Variants in MDN1 observed in about 807,000 individuals in gnomAD.
The protein encoded by MDN1 is midasin.
MDN1 carries 266 observed loss-of-function variants against 669.2 expected under a neutral mutation model. That is an observed-to-expected ratio of 0.40 (90% CI 0.36 to 0.44). MDN1 has a LOEUF of 0.44. MDN1 is among the 20% of genes least tolerant of loss of function. MDN1 has a pLI of 1.00. For synonymous variants in MDN1, 2,385 were observed against 2,457.1 expected (o/e 0.97, Z 0.87); for missense variants, 5,940 against 6,754.0 (o/e 0.88, Z 4.22).
intron 5 of MDN1, among the ~76,000 whole-genome samples, chr6:89,792,414 A>G (rs1363402377): frequency 1.3e-5 from 2 of 152,106 alleles, no homozygotes; most frequent in Non-Finnish European, 2.9e-5. Flanking sequence ...ACTGCTAAAC[A>G]ACAGCAGGTC....
At chr6:89,748,331 C>T (rs760865225) in intron 26 of MDN1, among the ~76,000 whole-genome samples, 4 of 152,160 alleles carry the variant, frequency 2.6e-5, no homozygotes, top group Non-Finnish European at 5.9e-5. Context: ...TCTCAAAAAA[C>T]AAACAAAAAG....
chr6:89,701,723 A>C (rs1248396681), intron 54 of MDN1, 45 bp from the exon 55 acceptor site: 2 of 1,586,028 alleles, frequency 1.3e-6, no homozygotes, highest in East Asian at 4.5e-5. Context: ...GAAAGGGGGA[A>C]ATGCTAGACA....
rs1023914886 is a variant in MDN1 at position 89,688,026 on chromosome 6, T to C, written c.11355+52A>G. 6 of 1,449,260 alleles carry C rather than the reference T, an allele frequency of 4.1e-6. No individual in the cohort carries two copies. The African/African-American group carries it at 5.6e-5, about 14-fold the overall frequency. 89.8% of individuals were successfully genotyped at this position (1,449,260 alleles called of 1,614,324 possible). A position where few individuals can be genotyped will look rare whatever the true frequency, so the allele number is the denominator to read the frequency against. On this transcript the variant is annotated intron_variant, in intron 67 of 101. Coordinates refer to ENST00000369393, the MANE Select transcript of MDN1 (RefSeq NM_014611.3). ...AACAACAAAGGTGCCACAAGACGTA[T>C]CTTTTGCCAACTGACCACCAACTAA...
At chr6:89,684,786 G>A (rs770263601) in intron 71 of MDN1, 90 bp downstream of exon 71, 38 of 761,526 alleles carry the variant, frequency 5.0e-5, no homozygotes, top group Non-Finnish European at 7.5e-5. Flanking sequence ...CTAGGTCCCT[G>A]CCTCAGTGTT....
At chr6:89,700,346 C>T (rs1276242353) in intron 56 of MDN1, 52 bp from the exon 57 acceptor site, 2 of 1,405,592 alleles carry the variant, frequency 1.4e-6, no homozygotes, top group East Asian at 2.3e-5. Context: ...AGAGTATAGC[C>T]TCTAGATTCT....
intron 22 of MDN1, among the ~76,000 whole-genome samples, chr6:89,752,113 T>G (rs1562180531): frequency 2.0e-5 from 3 of 152,220 alleles, no homozygotes; most frequent in Admixed American, 1.3e-4. Flanking sequence ...TTCCCATTTT[T>G]ATAAGTAAAA....
At chr6:89,754,880 T>C (rs796467673) in intron 20 of MDN1, among the ~76,000 whole-genome samples, 1 of 152,310 alleles carries the variant, frequency 6.6e-6, no homozygotes, top group African/African-American at 2.4e-5. Context: ...TCTTGCCTCT[T>C]TGCTACCTAA....
chr6:89,670,171 T>TATATATATATATA (rs1491299915), intron 83 of MDN1, among the ~76,000 whole-genome samples: 3 of 12,998 alleles, frequency 2.3e-4, no homozygotes, highest in African/African-American at 9.8e-4. Context: ...TATATATATA[T>TATATATATATATA]TTTTTTTTTT....
At position 89,652,174 on chromosome 6, in the gene MDN1, C is replaced by A; in HGVS notation, c.15915+18G>T. ...AAGTCGAGATATTTTATGAAAAAAA[C>A]AGTGAGCAGTGACTTACCTCCTCTG... On this transcript the variant is annotated intron_variant, in intron 95 of 101. Transcript: ENST00000369393. 6.3e-7 allele frequency: 1 copy of A among 1,597,934 alleles called. No individual in the cohort carries two copies. The highest frequency in any genetic ancestry group is 8.5e-7 in the Non-Finnish European group (1 of 1,172,024).
intron 36 of MDN1, among the ~76,000 whole-genome samples, chr6:89,728,588 T>C (rs1198204772): frequency 6.6e-6 from 1 of 152,296 alleles, no homozygotes; most frequent in East Asian, 1.9e-4. Flanking sequence ...CCCAACACTT[T>C]GGGAGGCCAA....
intron 17 of MDN1, among the ~76,000 whole-genome samples, chr6:89,760,763 G>A (rs1584330788): frequency 6.6e-6 from 1 of 152,196 alleles, no homozygotes; most frequent in Admixed American, 6.5e-5. Context: ...AGTATTGCAT[G>A]TTCTCACTTA....
intron 58 of MDN1, 92 bp downstream of exon 58, chr6:89,699,508 GA>G: frequency 7.1e-7 from 1 of 1,409,072 alleles, no homozygotes; most frequent in East Asian, 2.4e-5. Flanking sequence ...ATGGAATTTT[GA>G]GAATAAATAA....
At chr6:89,663,901 C>G (rs1809992128) in intron 85 of MDN1, among the ~76,000 whole-genome samples, 1 of 150,186 alleles carries the variant, frequency 6.7e-6, no homozygotes, top group South Asian at 2.1e-4. Flanking sequence ...GAGATTGCAC[C>G]ACTGTACTCT....
rs1162940354 is a variant in MDN1 at position 89,647,973 on chromosome 6, T to A, written c.16395+59A>T. ...GTCTCAAAAATAAAAATGTTCTCCC[T>A]CCAACCTACACCAGTTTAAAAATAA... On this transcript the variant is annotated intron_variant, in intron 99 of 101. Transcript: ENST00000369393. 2.3e-6 allele frequency: 3 copies of A among 1,323,066 alleles called. No homozygotes were observed. The African/African-American group carries it at 4.4e-5, about 19-fold the overall frequency. 82.0% of individuals were successfully genotyped at this position (1,323,066 alleles called of 1,614,324 possible). A position where few individuals can be genotyped will look rare whatever the true frequency, so the allele number is the denominator to read the frequency against.
intron 57 of MDN1, 80 bp from the exon 58 acceptor site, chr6:89,699,807 G>A: frequency 1.4e-6 from 2 of 1,446,902 alleles, no homozygotes; most frequent in African/African-American, 1.4e-5. Flanking sequence ...TAGGGAAGGT[G>A]TAACATAAAA....
intron 76 of MDN1, 106 bp downstream of exon 76, chr6:89,677,464 G>T: frequency 7.2e-7 from 1 of 1,397,084 alleles, no homozygotes; most frequent in South Asian, 1.3e-5. Context: ...GGTAGCCACA[G>T]TGGTATTGCT....
At chr6:89,726,462 TAA>T (rs1334127255) in intron 37 of MDN1, among the ~76,000 whole-genome samples, 1 of 57,908 alleles carries the variant, frequency 1.7e-5, no homozygotes, top group African/African-American at 7.0e-5. Context: ...AGACTCTGCC[TAA>T]AAAAAAAAAG....
At chr6:89,750,559 C>T (rs1816885650) in intron 23 of MDN1, 27 bp from the exon 24 acceptor site, 1 of 1,573,776 alleles carries the variant, frequency 6.4e-7, no homozygotes. Flanking sequence ...AATTAAGCAA[C>T]TTAAAACAAC....
Position 89,750,348 on chromosome 6 carries a change from C to T in MDN1, c.3406+6G>A. Reference sequence around the variant, plus strand: ...CTATGTCCATGGAATGGAATCTTAACCCTACCTTCCTTAAAGACAAGCTTC... The same window carrying T: ...CTATGTCCATGGAATGGAATCTTAATCCTACCTTCCTTAAAGACAAGCTTC... On this transcript the variant is annotated splice_donor_region_variant and intron_variant, in intron 24 of 101. Coordinates refer to ENST00000369393, the MANE Select transcript of MDN1 (RefSeq NM_014611.3). The T allele has an allele frequency of 1.9e-6, 3 of 1,601,508 alleles. 1 individual carries two copies. In the South Asian group the frequency reaches 3.3e-5, roughly 18 times the overall value.
Sources: gnomAD v4.1 joint callset for allele counts (sites outside exome capture counted in the v4.1 genomes callset) on GRCh38, gnomAD v4.1.1 for gene constraint, MANE v1.5 for transcripts, NCBI Gene and HGNC (gene_info 2026-07-23, HGNC 2026-07-21) for gene names.